The following SMS variants were observed in gnomAD, a reference collection of about 807,000 sequenced individuals.
The protein encoded by SMS is spermidine aminopropyltransferase.
A neutral mutation model predicts 33.0 loss-of-function variants in SMS; 3 were observed. That is an observed-to-expected ratio of 0.09 (90% CI 0.04 to 0.23). The LOEUF is 0.23. SMS is among the 10% of genes least tolerant of loss of function. SMS has a pLI of 1.00. For synonymous variants in SMS, 103 were observed against 112.2 expected, an observed-to-expected ratio of 0.92 and a Z score of 0.52; for missense variants, 117 against 288.6, an observed-to-expected ratio of 0.41 and a Z score of 4.31.
chrX:21,956,511 C>G (rs1922981410), intron 1 of SMS, among the ~76,000 whole-genome samples: 1 of 109,780 alleles, frequency 9.1e-6, no homozygotes, highest in Admixed American at 9.8e-5. Flanking sequence ...CTCTTGTCAC[C>G]CAGACTGGAG....
chrX:21,954,430 T>C (rs1302519229), intron 1 of SMS, among the ~76,000 whole-genome samples: 1 of 112,521 alleles, frequency 8.9e-6, no homozygotes, highest in Non-Finnish European at 1.9e-5. Context: ...TTCAGAGCCA[T>C]CTGGAAAAAT....
At chrX:21,959,032 C>T (rs1042925021) in intron 1 of SMS, among the ~76,000 whole-genome samples, 2 of 112,503 alleles carry the variant, frequency 1.8e-5, no homozygotes, top group Non-Finnish European at 3.8e-5. Flanking sequence ...TTTCTACTTT[C>T]TGGCTATTGC....
intron 1 of SMS, chrX:21,959,982 G>A (rs1193236390): frequency 6.8e-6 from 5 of 732,858 alleles, no homozygotes; most frequent in African/African-American, 4.7e-5. Flanking sequence ...GGACTTAGGT[G>A]GCAAGTGGTA....
At chrX:21,960,331 A>G (rs1001524648) in intron 1 of SMS, among the ~76,000 whole-genome samples, 2 of 110,339 alleles carry the variant, frequency 1.8e-5, no homozygotes, top group Admixed American at 9.7e-5. Context: ...TCATCTCCCA[A>G]TTTCACAAGC....
At chrX:21,990,773 A>G (rs975360008) in intron 9 of SMS, among the ~76,000 whole-genome samples, 2 of 113,051 alleles carry the variant, frequency 1.8e-5, no homozygotes, top group African/African-American at 3.2e-5. Flanking sequence ...TTTTCATTCT[A>G]TAGCTTCCCC....
At position 21,972,514 on chromosome X, in the gene SMS, A is replaced by G; in HGVS notation, c.272A>G (p.Asn91Ser). Reference sequence around the variant, plus strand: ...TTTTTCTTTTAATTGTAGATTTTGAACAAAGTAGAGGAAAGAATGAAAGAA... The same window carrying G: ...TTTTTCTTTTAATTGTAGATTTTGAGCAAAGTAGAGGAAAGAATGAAAGAA... ...QGKEEIDSILNKVEERMKELS... is the reference protein window; with the variant it reads ...QGKEEIDSILSKVEERMKELS... The change falls in exon 4 of 11, where the codon AAC (asparagine) becomes AGC (serine). Residue 91 changes from asparagine to serine, a missense_variant. Around this residue, in one of 3 missense-constraint regions of SMS, gnomAD observed 25 missense variants for 24.4 expected, o/e 1.03. Coordinates refer to ENST00000404933, the MANE Select transcript of SMS (RefSeq NM_004595.5). The G allele has an allele frequency of 8.4e-7, 1 of 1,185,479 alleles. No homozygotes were observed. Among genetic ancestry groups the G allele is most frequent in the Non-Finnish European group, 1.1e-6 (1 of 871,614 alleles).
intron 2 of SMS, among the ~76,000 whole-genome samples, chrX:21,968,879 C>T (rs902837695): frequency 9.0e-6 from 1 of 111,665 alleles, no homozygotes; most frequent in African/African-American, 3.3e-5. Context: ...AGAATTTACT[C>T]ATGTAACCAA....
intron 1 of SMS, among the ~76,000 whole-genome samples, chrX:21,942,661 A>G (rs1032120147): frequency 2.7e-5 from 3 of 110,591 alleles, no homozygotes; most frequent in African/African-American, 9.9e-5. Flanking sequence ...TAACCCTGCC[A>G]GCCTTAGGGC....
intron 1 of SMS, among the ~76,000 whole-genome samples, chrX:21,952,749 GT>G (rs199556585): frequency 0.03 from 3,217 of 108,720 alleles, 131 homozygotes; most frequent in African/African-American, 0.1. Flanking sequence ...TTTCTGGAGT[GT>G]TTTTTTTCTT....
At chrX:21,944,460 C>T (rs1005298575) in intron 1 of SMS, among the ~76,000 whole-genome samples, 3 of 94,460 alleles carry the variant, frequency 3.2e-5, no homozygotes, top group Non-Finnish European at 6.0e-5. Context: ...CTCTGGGAGG[C>T]GAAGCGCTTG....
chrX:21,959,996 A>G (rs1020582904), intron 1 of SMS: 35 of 676,062 alleles, frequency 5.2e-5, no homozygotes, highest in Non-Finnish European at 6.0e-5. Context: ...AGTGGTAAGC[A>G]TGGGCGGGGA....
intron 1 of SMS, among the ~76,000 whole-genome samples, chrX:21,944,522 CAAAAAAAAAAAA>C (rs777680386): frequency 2.9e-5 from 1 of 34,724 alleles, no homozygotes; most frequent in African/African-American, 1.2e-4. Context: ...CCTGTCTCTA[CAAAAAAAAAAAA>C]AAAAAAAAAA....
chrX:21,942,675 A>G lies in SMS; in HGVS notation c.49+1802A>G, dbSNP rs1181575920. ...ATAACCCTGCCAGCCTTAGGGCTGA[A>G]TGGTTAATGAAAGCTCTAGCATACT... On this transcript the variant is annotated intron_variant, in intron 1 of 10. Coordinates refer to ENST00000404933, the MANE Select transcript of SMS (RefSeq NM_004595.5). Among the ~76,000 whole-genome samples the G allele has an allele frequency of 3.6e-5, 4 of 110,914 alleles. No individual in the cohort carries two copies. In the East Asian group the frequency reaches 1.1e-3, roughly 31 times the overall value.
At chrX:21,970,734 T>G in intron 2 of SMS, among the ~76,000 whole-genome samples, 1 of 95,368 alleles carries the variant, frequency 1.0e-5, no homozygotes. Context: ...ATGCTTAGCT[T>G]ATTATTTTTA....
At chrX:21,976,712 A>G (rs1198130524) in intron 4 of SMS, among the ~76,000 whole-genome samples, 1 of 112,042 alleles carries the variant, frequency 8.9e-6, no homozygotes, top group Non-Finnish European at 1.9e-5. Flanking sequence ...ACCCATGTGA[A>G]CTGGTGTAAA....
intron 6 of SMS, 119 bp downstream of exon 6, chrX:21,978,233 C>A: frequency 1.5e-6 from 1 of 688,553 alleles, no homozygotes; most frequent in Non-Finnish European, 2.3e-6. Context: ...ACCTAGACTG[C>A]CTTGAACAGA....
chrX:21,960,906 G>T (rs1309039300), intron 1 of SMS, among the ~76,000 whole-genome samples: 1 of 110,879 alleles, frequency 9.0e-6, no homozygotes, highest in Non-Finnish European at 1.9e-5. Context: ...TTTTGTTATT[G>T]TTTTTTGTCT....
chrX:21,972,033 G>A, intron 3 of SMS, 43 bp downstream of exon 3: 2 of 860,324 alleles, frequency 2.3e-6, no homozygotes, highest in Non-Finnish European at 3.5e-6. Flanking sequence ...AAGGATCATA[G>A]TATCTGCTTA....
At chrX:21,970,735 A>C (rs983957516) in intron 2 of SMS, among the ~76,000 whole-genome samples, 1 of 84,138 alleles carries the variant, frequency 1.2e-5, no homozygotes. Context: ...TGCTTAGCTT[A>C]TTATTTTTAG....
Sources: gnomAD v4.1 joint callset for allele counts (sites outside exome capture counted in the v4.1 genomes callset) on GRCh38, gnomAD v4.1.1 for gene constraint, gnomAD v4.1.1 regional missense constraint, MANE v1.5 for transcripts, NCBI Gene and HGNC (gene_info 2026-07-23, HGNC 2026-07-21) for gene names.